RBM47: variants seen among roughly 807,000 people sequenced by gnomAD.
RBM47 encodes the protein RNA-binding protein 47.
In RBM47, 21 loss-of-function variants were observed where a neutral mutation model predicts 47.1. The observed-to-expected ratio is 0.45, with a 90% CI of 0.32 to 0.64. RBM47 has a LOEUF of 0.64. Ranked by LOEUF, RBM47 falls within the 30% of genes least tolerant of loss-of-function variation. The pLI, the probability that RBM47 is intolerant of heterozygous loss-of-function variation, is 0.05. For synonymous variants in RBM47, 375 were observed against 361.7 expected (o/e 1.04, Z -0.42); for missense variants, 708 against 870.9 (o/e 0.81, Z 2.35).
intron 2 of RBM47, among the ~76,000 whole-genome samples, chr4:40,535,082 C>T (rs1727808291): frequency 6.6e-6 from 1 of 152,086 alleles, no homozygotes; most frequent in Non-Finnish European, 1.5e-5. Flanking sequence ...GGAATCCTAG[C>T]CCCTTCTTTA....
At chr4:40,460,548 G>T (rs996774057) in intron 3 of RBM47, among the ~76,000 whole-genome samples, 3 of 152,150 alleles carry the variant, frequency 2.0e-5, no homozygotes, top group Admixed American at 6.6e-5. Context: ...GGTGGCTCAC[G>T]CCTGTAATCC....
intron 1 of RBM47, among the ~76,000 whole-genome samples, chr4:40,589,212 C>T (rs1276397975): frequency 6.6e-6 from 1 of 151,560 alleles, no homozygotes; most frequent in Admixed American, 6.6e-5. Flanking sequence ...AAGTGATCCA[C>T]CTGCCTTAGC....
intron 3 of RBM47, among the ~76,000 whole-genome samples, chr4:40,445,135 G>A (rs1200070854): frequency 7.3e-5 from 11 of 150,738 alleles, no homozygotes; most frequent in South Asian, 6.3e-4. Context: ...TTAGCTGGGT[G>A]TGCTGGTGGA....
chr4:40,452,907 G>T (rs1577669847), intron 3 of RBM47, among the ~76,000 whole-genome samples: 1 of 137,114 alleles, frequency 7.3e-6, no homozygotes. Context: ...GCAGTGGCTT[G>T]ATCTTGGCTC....
chr4:40,582,016 G>A (rs1295161062), intron 1 of RBM47, among the ~76,000 whole-genome samples: 1 of 151,834 alleles, frequency 6.6e-6, no homozygotes, highest in Non-Finnish European at 1.5e-5. Context: ...CAGAATCCCG[G>A]TTGGCGCCTC....
At chr4:40,544,530 T>C (rs1728835368) in intron 1 of RBM47, 24 bp from the exon 2 acceptor site, 1 of 152,076 alleles carries the variant, frequency 6.6e-6, no homozygotes, top group South Asian at 2.1e-4. Context: ...AAAATAACAC[T>C]ACTGACCCAA....
intron 1 of RBM47, among the ~76,000 whole-genome samples, chr4:40,600,490 C>T (rs1160964407): frequency 1.3e-5 from 2 of 150,184 alleles, no homozygotes; most frequent in Non-Finnish European, 3.0e-5. Flanking sequence ...AAAAATTAGC[C>T]GGGTGTGGTG....
chr4:40,587,261 G>A (rs1412457632), intron 1 of RBM47, among the ~76,000 whole-genome samples: 1 of 152,112 alleles, frequency 6.6e-6, no homozygotes, highest in Non-Finnish European at 1.5e-5. Flanking sequence ...TATATGGGGT[G>A]CATCTGGGGA....
At chr4:40,505,959 G>C (rs1724050246) in intron 2 of RBM47, among the ~76,000 whole-genome samples, 1 of 152,124 alleles carries the variant, frequency 6.6e-6, no homozygotes, top group Non-Finnish European at 1.5e-5. Flanking sequence ...AGCAAATAAA[G>C]CCCTTATCAT....
At chr4:40,591,017 G>A (rs975633149) in intron 1 of RBM47, among the ~76,000 whole-genome samples, 17 of 152,156 alleles carry the variant, frequency 1.1e-4, no homozygotes, top group African/African-American at 4.1e-4. Flanking sequence ...TGGCCAGGCT[G>A]GTCTCGAACT....
intron 1 of RBM47, among the ~76,000 whole-genome samples, chr4:40,546,953 T>C (rs1163726459): frequency 6.6e-6 from 1 of 152,234 alleles, no homozygotes; most frequent in African/African-American, 2.4e-5. Context: ...AAGTTCTACC[T>C]GGCATTCTGA....
At chr4:40,557,923 T>A (rs1730253774) in intron 1 of RBM47, among the ~76,000 whole-genome samples, 2 of 152,232 alleles carry the variant, frequency 1.3e-5, no homozygotes, top group South Asian at 4.1e-4. Context: ...TGACCTGTTA[T>A]CTTTATAGTT....
intron 3 of RBM47, among the ~76,000 whole-genome samples, chr4:40,464,892 A>AAAG (rs1333084023): frequency 2.7e-4 from 28 of 103,782 alleles, no homozygotes; most frequent in Non-Finnish European, 4.5e-4. Flanking sequence ...CTCTGTCTCA[A>AAAG]AAAAAAAAAA....
chr4:40,487,952 C>T (rs535771802), intron 2 of RBM47, among the ~76,000 whole-genome samples: 20 of 152,052 alleles, frequency 1.3e-4, no homozygotes, highest in Admixed American at 7.2e-4. Flanking sequence ...AAAAACGGAA[C>T]GCACATCCTT....
chr4:40,437,939 C>T lies in RBM47; in HGVS notation c.955G>A (p.Val319Met). 2 of 1,613,620 alleles carry T rather than the reference C, an allele frequency of 1.2e-6. No homozygotes were observed. Among genetic ancestry groups the T allele is most frequent in the Non-Finnish European group, 1.7e-6 (2 of 1,179,978 alleles). Residue 319 changes from valine to methionine, a missense_variant, in exon 4 of 7, where the codon GTG becomes ATG. Transcript: ENST00000295971. ...TAGCGCGAGTACTGCTCCTTGTCCA[C>T]GGGCTTGGCCAGCGTGACCTCCAGG... is the stretch of plus-strand genomic sequence containing the variant. ...SCLEVTLAKP[V>M]DKEQYSRYQK...
At chr4:40,611,527 C>T (rs567407010) in intron 1 of RBM47, among the ~76,000 whole-genome samples, 47 of 151,314 alleles carry the variant, frequency 3.1e-4, no homozygotes, top group African/African-American at 1.1e-3. Context: ...GTCAGTAGTT[C>T]GAGGCTAACA....
At chr4:40,613,346 T>C (rs183449229) in intron 1 of RBM47, among the ~76,000 whole-genome samples, 69 of 151,950 alleles carry the variant, frequency 4.5e-4, no homozygotes, top group African/African-American at 1.6e-3. Context: ...AAGAAGTCCC[T>C]CAATAAAAAA....
intron 6 of RBM47, among the ~76,000 whole-genome samples, chr4:40,429,671 A>G (rs565465081): frequency 2.2e-5 from 3 of 135,212 alleles, no homozygotes; most frequent in Admixed American, 7.9e-5. Context: ...CTTGGGTGAC[A>G]AAGTGAGACT....
At chr4:40,434,003 GTGTGTGTGTGT>G (rs1711846167) in intron 5 of RBM47, among the ~76,000 whole-genome samples, 4 of 80,128 alleles carry the variant, frequency 5.0e-5, no homozygotes, top group African/African-American at 1.1e-4. Context: ...TGGGGCGGGG[GTGTGTGTGTGT>G]GTGTGTGTGT....
Sources: allele counts gnomAD v4.1 joint callset (sites outside exome capture counted in the v4.1 genomes callset), GRCh38; gene constraint gnomAD v4.1.1; transcripts MANE v1.5; gene names NCBI Gene and HGNC (gene_info 2026-07-23, HGNC 2026-07-21).